NDST4: variants seen among roughly 807,000 people sequenced by gnomAD.
The protein encoded by NDST4 is N-heparan sulfate sulfotransferase 4.
Under a neutral mutation model 100.8 loss-of-function variants are expected in NDST4, and 63 were observed. The ratio of observed to expected loss-of-function variants is 0.62; its 90% CI spans 0.51 to 0.77. NDST4 has a LOEUF of 0.77. Among genes scored for constraint, NDST4 ranks in the 30% least tolerant of loss-of-function variants. The pLI is 0.00. For synonymous variants in NDST4, 377 were observed against 361.8 expected (o/e 1.04, Z -0.48); for missense variants, 943 against 1,018.4 (o/e 0.93, Z 1.01).
intron 2 of NDST4, among the ~76,000 whole-genome samples, chr4:114,995,174 C>G (rs534193637): frequency 6.6e-6 from 1 of 152,078 alleles, no homozygotes; most frequent in South Asian, 2.1e-4. Flanking sequence ...CAGTTATAAA[C>G]AGTCCATTTA....
chr4:114,947,009 A>G (rs1725881446), intron 4 of NDST4, among the ~76,000 whole-genome samples: 1 of 151,924 alleles, frequency 6.6e-6, no homozygotes, highest in Admixed American at 6.6e-5. Context: ...AAGAAACAAG[A>G]TTATCAGCTG....
intron 2 of NDST4, among the ~76,000 whole-genome samples, chr4:115,036,641 C>T (rs1728238682): frequency 6.6e-6 from 1 of 151,790 alleles, no homozygotes; most frequent in Non-Finnish European, 1.5e-5. Context: ...AACCCAAATT[C>T]CACTCTGAGT....
In NDST4 at chr4:114,834,355, A is replaced by G. The variant is rs1180846194; in HGVS notation, c.2287-640T>C. On this transcript the variant is annotated intron_variant, in intron 11 of 13. Transcript: ENST00000264363. ...AAGGTGAAACCCTGTCTCTACTAAA[A>G]ATACAAAAATTAGCCAGTCATGGTG... is the stretch of plus-strand genomic sequence containing the variant. Among the ~76,000 whole-genome samples, 4 of 152,158 alleles carry G rather than the reference A, an allele frequency of 2.6e-5. No individual in the cohort carries two copies. The East Asian group carries it at 7.8e-4, about 30-fold the overall frequency.
intron 6 of NDST4, among the ~76,000 whole-genome samples, chr4:114,904,670 T>C (rs1486356471): frequency 2.0e-5 from 3 of 151,872 alleles, no homozygotes; most frequent in Non-Finnish European, 4.4e-5. Context: ...TCTAAAATAT[T>C]TGACAGAAAG....
intron 7 of NDST4, among the ~76,000 whole-genome samples, chr4:114,861,382 A>C (rs1354279077): frequency 6.6e-6 from 1 of 152,222 alleles, no homozygotes; most frequent in Non-Finnish European, 1.5e-5. Flanking sequence ...TAAAATCATT[A>C]AATCATGCTG....
At chr4:114,941,701 T>C (rs1725754778) in intron 4 of NDST4, among the ~76,000 whole-genome samples, 1 of 152,194 alleles carries the variant, frequency 6.6e-6, no homozygotes, top group Non-Finnish European at 1.5e-5. Context: ...ACGGAGATCC[T>C]GTGGCAGCCT....
rs10000924 is a variant in NDST4 at position 114,848,341 on chromosome 4, G to A, written c.1817-3C>T. 0.017 allele frequency: 26,268 copies of A among 1,564,474 alleles called. 1,819 individuals are homozygous for A. The South Asian group carries it at 0.17, about 10-fold the overall frequency. ...AAATAAATAAAGTGCAGTTGTTCCTGTTACAAAAAAAGAAAGTAAAAGGTT... is the reference window on the plus strand; with the variant it reads ...AAATAAATAAAGTGCAGTTGTTCCTATTACAAAAAAAGAAAGTAAAAGGTT... On this transcript the variant is annotated splice_polypyrimidine_tract_variant and splice_region_variant and intron_variant, in intron 8 of 13. Coordinates refer to ENST00000264363, the MANE Select transcript of NDST4 (RefSeq NM_022569.3).
chr4:114,939,642 C>T (rs1255689769), intron 4 of NDST4, among the ~76,000 whole-genome samples: 1 of 149,842 alleles, frequency 6.7e-6, no homozygotes, highest in African/African-American at 2.5e-5. Flanking sequence ...AAAAAAGAGA[C>T]ATTTCACTTT....
intron 2 of NDST4, among the ~76,000 whole-genome samples, chr4:114,996,290 C>T (rs7669788): frequency 0.45 from 67,936 of 151,814 alleles, 16,754 homozygotes; most frequent in Non-Finnish European, 0.58. Flanking sequence ...CTCTTTCCCG[C>T]TGCCCCTGTG....
At chr4:114,909,199 A>T (rs1204973000) in intron 6 of NDST4, among the ~76,000 whole-genome samples, 66 of 152,190 alleles carry the variant, frequency 4.3e-4, no homozygotes, top group Admixed American at 4.2e-3. Context: ...AAGTAGAGTA[A>T]ATAATGACCA....
At chr4:114,847,295 GA>G (rs937217276) in intron 9 of NDST4, among the ~76,000 whole-genome samples, 1 of 130,382 alleles carries the variant, frequency 7.7e-6, no homozygotes, top group African/African-American at 3.4e-5. Flanking sequence ...AGAATGGCGT[GA>G]ACCCGGGAGG....
At chr4:114,920,317 T>C (rs1267305699) in intron 6 of NDST4, among the ~76,000 whole-genome samples, 2 of 152,156 alleles carry the variant, frequency 1.3e-5, no homozygotes, top group South Asian at 2.1e-4. Context: ...TCTGTCTATA[T>C]AGATTTGATT....
At chr4:114,829,746 C>A in intron 13 of NDST4, 44 bp downstream of exon 13, 2 of 1,452,056 alleles carry the variant, frequency 1.4e-6, no homozygotes, top group Non-Finnish European at 1.9e-6. Flanking sequence ...TAGCTGTTTG[C>A]AAATATTTTT....
At chr4:115,070,888 T>C (rs515976) in intron 2 of NDST4, among the ~76,000 whole-genome samples, 36,738 of 151,882 alleles carry the variant, frequency 0.24, 5,961 homozygotes, top group East Asian at 0.46. Context: ...GTGAATCACT[T>C]GAAGTCAGAA....
intron 8 of NDST4, among the ~76,000 whole-genome samples, chr4:114,850,301 C>T (rs956360118): frequency 6.6e-6 from 1 of 152,000 alleles, no homozygotes; most frequent in Non-Finnish European, 1.5e-5. Context: ...CCCCGATCTC[C>T]CCTGGCCTAC....
chr4:114,970,157 T>C (rs1252814481), intron 4 of NDST4, among the ~76,000 whole-genome samples: 1 of 147,758 alleles, frequency 6.8e-6, no homozygotes, highest in East Asian at 1.9e-4. Flanking sequence ...GATACAAGAG[T>C]AGTCATCTCG....
intron 2 of NDST4, among the ~76,000 whole-genome samples, chr4:115,023,611 G>A (rs1727911076): frequency 6.6e-6 from 1 of 151,454 alleles, no homozygotes; most frequent in Non-Finnish European, 1.5e-5. Flanking sequence ...AAGAATTAAA[G>A]ATGGAATTTT....
At chr4:115,013,079 G>T (rs899678395) in intron 2 of NDST4, among the ~76,000 whole-genome samples, 12 of 150,846 alleles carry the variant, frequency 8.0e-5, no homozygotes, top group Non-Finnish European at 1.6e-4. Flanking sequence ...GTGGGGGTAG[G>T]GGGAAAGTGG....
chr4:114,991,354 C>T (rs1328746083), intron 2 of NDST4, among the ~76,000 whole-genome samples: 2 of 152,072 alleles, frequency 1.3e-5, no homozygotes, highest in Non-Finnish European at 1.5e-5. Flanking sequence ...CAAGACTCCT[C>T]TTTTGCATGA....
Sources: gnomAD v4.1 joint callset for allele counts (sites outside exome capture counted in the v4.1 genomes callset) on GRCh38, gnomAD v4.1.1 for gene constraint, MANE v1.5 for transcripts, NCBI Gene and HGNC (gene_info 2026-07-23, HGNC 2026-07-21) for gene names.